FAM98A: variants seen among roughly 807,000 people sequenced by gnomAD.
FAM98A encodes protein FAM98A.
FAM98A carries 25 observed loss-of-function variants against 62.9 expected under a neutral mutation model. The observed-to-expected ratio is 0.40, with a 90% CI of 0.29 to 0.56. The LOEUF is 0.56. FAM98A is among the 20% of genes least tolerant of loss of function. FAM98A has a pLI of 0.51. For missense variants in FAM98A, 653 were observed against 640.7 expected, an observed-to-expected ratio of 1.02 and a Z score of -0.21; for synonymous variants, 252 against 228.6, an observed-to-expected ratio of 1.10 and a Z score of -0.92.
intron 2 of FAM98A, among the ~76,000 whole-genome samples, chr2:33,593,182 T>C (rs1159639312): frequency 6.6e-6 from 1 of 152,088 alleles, no homozygotes; most frequent in East Asian, 1.9e-4. Context: ...GACGAGTGGA[T>C]GGTTTGAGTT....
intron 1 of FAM98A, 24 bp from the exon 2 acceptor site, chr2:33,595,661 C>T (rs747668550): frequency 2.6e-6 from 4 of 1,557,556 alleles, no homozygotes; most frequent in Non-Finnish European, 3.5e-6. Flanking sequence ...AATTACATTT[C>T]AGAAGAAAAT....
rs779280460 is a variant in FAM98A, at chr2:33,586,653, G to A, written c.629C>T (p.Ala210Val). ...HWEKIEAINQ[A>V]IANEYEVRRK... Reference sequence around the variant, plus strand: ...CCGGACTTCATATTCATTGGCTATGGCTTGGTTAATTGCTTCTATCTTTTC... The same window carrying A: ...CCGGACTTCATATTCATTGGCTATGACTTGGTTAATTGCTTCTATCTTTTC... Residue 210 changes from alanine to valine, a missense_variant, in exon 6 of 8, where the codon GCC becomes GTC. Transcript: ENST00000238823. The A allele has an allele frequency of 1.2e-6, 2 of 1,612,750 alleles. No homozygotes were observed. Among genetic ancestry groups the A allele is most frequent in the Non-Finnish European group, 1.7e-6 (2 of 1,178,854 alleles).
intron 6 of FAM98A, among the ~76,000 whole-genome samples, chr2:33,586,324 TTC>T (rs1677548541): frequency 6.6e-6 from 1 of 152,234 alleles, no homozygotes; most frequent in African/African-American, 2.4e-5. Context: ...TAATAAGAAC[TTC>T]TCTCTCCAAT....
Position 33,584,331 on chromosome 2 carries a change from A to G in FAM98A, c.*445T>C, listed in dbSNP as rs535808114. ...ACTGTGCTTGGAAAATAGGCATTGG[A>G]ATACTTTAAGCAAAACACATATAAA... On this transcript the variant is annotated 3_prime_UTR_variant, in exon 8 of 8. Coordinates refer to ENST00000238823, the MANE Select transcript of FAM98A (RefSeq NM_015475.5). 6.2e-6 allele frequency: 1 copy of G among 161,892 alleles called. No individual in the cohort carries two copies. The highest frequency in any genetic ancestry group is 1.8e-4 in the South Asian group (1 of 5,534). 10.0% of individuals were successfully genotyped at this position (161,892 alleles called of 1,614,324 possible).
In FAM98A at chr2:33,595,502, C is replaced by A. The variant is rs987032258; in HGVS notation, c.189G>T (p.Val63=). 6.2e-7 allele frequency: 1 copy of A among 1,604,444 alleles called. No homozygotes were observed. The highest frequency in any genetic ancestry group is 8.5e-7 in the Non-Finnish European group (1 of 1,176,562). The change falls in exon 2 of 8, where the codon GTG becomes GTT. Residue 63 remains valine (V), a synonymous_variant. Transcript: ENST00000238823. ...ATGTTTACTTACTGTTAGTTGCTTG[C>A]ACGTTTTCCTCTAGTTTACAGAGCA... ...LRVLCKLEEN[V]QATNSPSEAE... is the part of the protein sequence containing the mutation.
In FAM98A at chr2:33,585,330, C is replaced by T; in HGVS notation, c.1003G>A (p.Gly335Ser). ...RQDGPQQQTG[G>S]RGGGRGGYEH... The stretch of plus-strand genomic sequence containing the variant: ...TAGCCACCTCTCCCTCCTCCTCGGC[C>T]TCCTGTTTGCTGCTGGGGGCCATCT... Residue 335 changes from glycine to serine, a missense_variant, in exon 8 of 8, where the codon GGC becomes AGC. Coordinates refer to ENST00000238823, the MANE Select transcript of FAM98A (RefSeq NM_015475.5). 2 of 1,614,138 alleles carry T rather than the reference C, an allele frequency of 1.2e-6. No homozygotes were observed. Among genetic ancestry groups the T allele is most frequent in the Non-Finnish European group, 1.7e-6 (2 of 1,180,028 alleles).
At chr2:33,597,260 G>T (rs1677834118) in intron 1 of FAM98A, among the ~76,000 whole-genome samples, 1 of 152,160 alleles carries the variant, frequency 6.6e-6, no homozygotes, top group South Asian at 2.1e-4. Context: ...TCCGGAGCCT[G>T]AAGTGGGAGG....
At position 33,584,769 on chromosome 2, in the gene FAM98A, G is replaced by A. The variant is rs558331778; in HGVS notation, c.*7C>T. ...TGAGCTCTAGCAAAATGTAAGGTTC[G>A]GTAGCCTCAACTAGTGTAATGTCTT... On this transcript the variant is annotated 3_prime_UTR_variant, in exon 8 of 8. Transcript: ENST00000238823. 1.9e-5 allele frequency: 30 copies of A among 1,578,456 alleles called. No individual in the cohort carries two copies. Among genetic ancestry groups the A allele is most frequent in the South Asian group, 8.0e-5 (7 of 87,992 alleles).
Position 33,588,373 on chromosome 2 carries a change from T to C in FAM98A, c.484A>G (p.Ile162Val), listed in dbSNP as rs767894823. The C allele has an allele frequency of 8.7e-6, 14 of 1,613,542 alleles. No individual in the cohort carries two copies. Among genetic ancestry groups the C allele is most frequent in the Non-Finnish European group, 1.2e-5 (14 of 1,179,672 alleles). The change falls in exon 4 of 8, where the codon ATA becomes GTA. Residue 162 changes from isoleucine (I) to valine (V), a missense_variant. By Grantham distance (29) the Ile-to-Val change is conservative (BLOSUM62 3). Coordinates refer to ENST00000238823, the MANE Select transcript of FAM98A (RefSeq NM_015475.5). The stretch of plus-strand genomic sequence containing the variant: ...CCGCTGAAGAATTGGAACATAGTTA[T>C]ATTGGCTGGAGGTTTGGACATTCCT... ...ALGMSKPPAN[I>V]TMFQFFSGIE...
chr2:33,593,469 T>C (rs142046833), intron 2 of FAM98A, among the ~76,000 whole-genome samples: 1 of 152,240 alleles, frequency 6.6e-6, no homozygotes, highest in Non-Finnish European at 1.5e-5. Flanking sequence ...CATTCTCAAT[T>C]AGAAAAAATT....
chr2:33,594,326 C>T (rs7561151), intron 2 of FAM98A, among the ~76,000 whole-genome samples: 41,330 of 151,382 alleles, frequency 0.27, 7,561 homozygotes, highest in African/African-American at 0.53. Context: ...AAAAAAAACA[C>T]CACATGTTCT....
At chr2:33,590,622 G>T (rs2151145023) in intron 3 of FAM98A, among the ~76,000 whole-genome samples, 1 of 152,268 alleles carries the variant, frequency 6.6e-6, no homozygotes, top group East Asian at 1.9e-4. Flanking sequence ...TAAAAAGTGA[G>T]TGACCTCTAG....
At chr2:33,593,104 C>G (rs747486917) in intron 2 of FAM98A, among the ~76,000 whole-genome samples, 1 of 152,170 alleles carries the variant, frequency 6.6e-6, no homozygotes, top group Non-Finnish European at 1.5e-5. Context: ...AGTGGTTCAG[C>G]ATTTAAGTAC....
chr2:33,584,906 TGGCCTGCACGACCACCTC>T lies in FAM98A; in HGVS notation c.1409_1426del (p.Arg470_Gly475del), dbSNP rs768213556. ...CCCTCTTCCTCCCCAGCCTCCTCCC[TGGCCTGCACGACCACCTC>T]GGCCTCCACGACCACCTCGCCCACC... On this transcript the variant is annotated inframe_deletion, in exon 8 of 8. Transcript: ENST00000238823. 3.7e-6 allele frequency: 6 copies of T among 1,610,294 alleles called. No homozygotes were observed. The highest frequency in any genetic ancestry group is 2.2e-5 in the South Asian group (2 of 90,872).
At position 33,584,897 on chromosome 2, in the gene FAM98A, C is replaced by T. The variant is rs1410373489; in HGVS notation, c.1436G>A (p.Gly479Asp). 5.0e-6 allele frequency: 8 copies of T among 1,614,108 alleles called. No individual in the cohort carries two copies. In the East Asian group the frequency reaches 1.6e-4, roughly 31 times the overall value. Residue 479 changes from glycine (G) to aspartate (D), a missense_variant, in exon 8 of 8, where the codon GGC (glycine) becomes GAC (aspartate). Physicochemically the swap from Gly to Asp is moderately conservative, Grantham distance 94 (BLOSUM62 -1). Transcript: ENST00000238823. ...GRGGRAGQGG[G>D]WGGRGSQNYH... ...ATTCTGGCTCCCTCTTCCTCCCCAG[C>T]CTCCTCCCTGGCCTGCACGACCACC...
intron 1 of FAM98A, among the ~76,000 whole-genome samples, chr2:33,596,629 C>T (rs1027951999): frequency 1.2e-4 from 19 of 152,076 alleles, no homozygotes; most frequent in Non-Finnish European, 1.9e-4. Context: ...TGGTGGCTCA[C>T]GCCTGTAATC....
At chr2:33,589,263 G>C (rs1303196097) in intron 3 of FAM98A, 1 of 152,118 alleles carries the variant, frequency 6.6e-6, no homozygotes, top group African/African-American at 2.4e-5. Context: ...ATTTCAGCCT[G>C]GTATAATGGG....
chr2:33,584,921 C>T lies in FAM98A; in HGVS notation c.1412G>A (p.Gly471Asp), dbSNP rs1677500697. The stretch of plus-strand genomic sequence containing the variant: ...GCCTCCTCCCTGGCCTGCACGACCA[C>T]CTCGGCCTCCACGACCACCTCGCCC... ...RGGRGGRGGR[G>D]GRAGQGGGWG... The change falls in exon 8 of 8, where the codon GGT becomes GAT. Residue 471 changes from glycine to aspartate, a missense_variant. By Grantham distance (94) the Gly-to-Asp change is moderately conservative. Coordinates refer to ENST00000238823, the MANE Select transcript of FAM98A (RefSeq NM_015475.5). 6.2e-7 allele frequency: 1 copy of T among 1,613,794 alleles called. No individual in the cohort carries two copies. Among genetic ancestry groups the T allele is most frequent in the African/African-American group, 1.3e-5 (1 of 74,842 alleles).
Position 33,585,240 on chromosome 2 carries a change from C to T in FAM98A, c.1093G>A (p.Gly365Ser), listed in dbSNP as rs1238704603. 6 of 1,613,958 alleles carry T rather than the reference C, an allele frequency of 3.7e-6. No individual in the cohort carries two copies. The highest frequency in any genetic ancestry group is 1.1e-5 in the South Asian group (1 of 91,070). ...EQGGGRGGRG[G>S]YDHGGRGGGR... Reference sequence around the variant, plus strand: ...CCCCCTCGGCCACCATGGTCATAGCCACCACGTCCACCTCTCCCGCCTCCT... The same window carrying T: ...CCCCCTCGGCCACCATGGTCATAGCTACCACGTCCACCTCTCCCGCCTCCT... Residue 365 changes from glycine to serine, a missense_variant, in exon 8 of 8, where the codon GGC becomes AGC. Gly to Ser is a moderately conservative substitution (Grantham distance 56). Coordinates refer to ENST00000238823, the MANE Select transcript of FAM98A (RefSeq NM_015475.5).
Sources: allele counts gnomAD v4.1 joint callset (sites outside exome capture counted in the v4.1 genomes callset), GRCh38; gene constraint gnomAD v4.1.1; transcripts MANE v1.5; gene names NCBI Gene and HGNC (gene_info 2026-07-23, HGNC 2026-07-21).